Variants in DST observed in about 807,000 individuals in gnomAD.
DST encodes the protein bullous pemphigoid antigen.
In DST, 253 loss-of-function variants were observed where a neutral mutation model predicts 875.2. That is an observed-to-expected ratio of 0.29 (90% CI 0.26 to 0.32). DST has a LOEUF of 0.32. Among genes scored for constraint, DST ranks in the 10% least tolerant of loss-of-function variants. The probability of loss-of-function intolerance (pLI) is 1.00; values close to 1 mark genes in which losing one functional copy is unlikely to be tolerated. For missense variants in DST, 8,287 were observed against 9,111.6 expected (o/e 0.91, Z 3.68); for synonymous variants, 3,124 against 3,197.1 (o/e 0.98, Z 0.77).
Position 56,818,784 on chromosome 6 carries a change from T to C in DST, c.625+32613A>G, listed in dbSNP as rs544224272. Among the ~76,000 whole-genome samples, 337 of 152,308 alleles carry C rather than the reference T, an allele frequency of 2.2e-3. 3 individuals carry two copies. In the South Asian group the frequency reaches 0.027, roughly 12 times the overall value. ...CCAAAGGTTTCAAAGTACTCTGATATGTAAACAATGTCACAGAGCAATACT... is the reference window on the plus strand; with the variant it reads ...CCAAAGGTTTCAAAGTACTCTGATACGTAAACAATGTCACAGAGCAATACT... On this transcript the variant is annotated intron_variant, in intron 4 of 103. Coordinates refer to ENST00000680361, the MANE Select transcript of DST (RefSeq NM_001374736.1).
rs777558951 is a variant in DST, at chr6:56,459,114, C to G, written c.23348G>C (p.Arg7783Thr). The G allele has an allele frequency of 1.2e-4, 190 of 1,613,952 alleles. 4 individuals carry two copies. The South Asian group carries it at 2.0e-3, about 17-fold the overall frequency. The change falls in exon 104 of 104, where the codon AGA becomes ACA. Residue 7783 changes from arginine to threonine, a missense_variant. Arg to Thr is a moderately conservative substitution (Grantham distance 71). Around this residue, in one of 10 missense-constraint regions of DST, gnomAD observed 240 missense variants for 237.3 expected, o/e 1.01. Coordinates refer to ENST00000680361, the MANE Select transcript of DST (RefSeq NM_001374736.1). ...CCGAGAACCTGCTCGGGGTGTAGGTCTGTGTGTCTGGGGGACAGTTTCCAC... is the reference window on the plus strand; with the variant it reads ...CCGAGAACCTGCTCGGGGTGTAGGTGTGTGTGTCTGGGGGACAGTTTCCAC... ...SDVETVPQTHRPTPRAGSRPS... is the reference protein window; with the variant it reads ...SDVETVPQTHTPTPRAGSRPS...
At chr6:56,859,952 C>A (rs1770133023) in intron 3 of DST, among the ~76,000 whole-genome samples, 1 of 152,220 alleles carries the variant, frequency 6.6e-6, no homozygotes, top group Admixed American at 6.5e-5. Context: ...CCAGCTCCCT[C>A]ACTTCACTCT....
chr6:56,683,004 G>C (rs2152844909), intron 9 of DST, among the ~76,000 whole-genome samples: 1 of 152,298 alleles, frequency 6.6e-6, no homozygotes, highest in East Asian at 1.9e-4. Flanking sequence ...TCAACTGTTA[G>C]TTTCTCATGC....
intron 4 of DST, among the ~76,000 whole-genome samples, chr6:56,798,687 G>A: frequency 6.6e-6 from 1 of 152,112 alleles, no homozygotes; most frequent in East Asian, 1.9e-4. Flanking sequence ...TAAGGCTACA[G>A]CTACCATCAA....
chr6:56,600,274 C>A, intron 44 of DST, 53 bp from the exon 45 acceptor site: 2 of 1,532,096 alleles, frequency 1.3e-6, no homozygotes, highest in Non-Finnish European at 8.9e-7. Context: ...CACAAAATCG[C>A]TATTGTGATA....
At chr6:56,916,543 G>A (rs578008279) in intron 2 of DST, among the ~76,000 whole-genome samples, 1 of 152,164 alleles carries the variant, frequency 6.6e-6, no homozygotes, top group South Asian at 2.1e-4. Context: ...CTTGAGCCCA[G>A]GAGTTCGAGA....
At chr6:56,614,297 C>T in intron 37 of DST, 59 bp downstream of exon 37, 1 of 1,460,144 alleles carries the variant, frequency 6.8e-7, no homozygotes, top group Non-Finnish European at 9.2e-7. Flanking sequence ...TAAACTGTGT[C>T]AACTCAGTTA....
chr6:56,939,325 C>T (rs1252818761), intron 2 of DST, among the ~76,000 whole-genome samples: 3 of 152,200 alleles, frequency 2.0e-5, no homozygotes, highest in Non-Finnish European at 2.9e-5. Flanking sequence ...TTGGTCCTGA[C>T]GAAGGTAAGA....
intron 3 of DST, chr6:56,862,996 G>C (rs973976318): frequency 1.3e-5 from 2 of 152,218 alleles, no homozygotes; most frequent in Admixed American, 6.5e-5. Context: ...AATTTGTGGT[G>C]ACTCAAACTG....
Position 56,704,359 on chromosome 6 carries a change from T to C in DST, c.698A>G (p.His233Arg). The C allele has an allele frequency of 6.4e-7, 1 of 1,558,960 alleles. No individual in the cohort carries two copies. Among genetic ancestry groups the C allele is most frequent in the Non-Finnish European group, 8.7e-7 (1 of 1,149,892 alleles). ...TAAGTCTTCATAGAGATCATTCACA[T>C]GTTTTCGAACCTATAAAGAGAAAAG... Reference protein sequence around the residue: ...INQHLMKVRKHVNDLYEDLRD... With the variant: ...INQHLMKVRKRVNDLYEDLRD... Residue 233 changes from histidine (H) to arginine (R), a missense_variant, in exon 6 of 104, where the codon CAT (histidine) becomes CGT (arginine). His to Arg is a conservative substitution (Grantham distance 29, BLOSUM62 0). Transcript: ENST00000680361.
chr6:56,738,529 C>A (rs995457319), intron 4 of DST, among the ~76,000 whole-genome samples: 1 of 152,068 alleles, frequency 6.6e-6, no homozygotes, highest in Admixed American at 6.6e-5. Context: ...ACCGTGTTAG[C>A]CAGGATGGTC....
At position 56,593,742 on chromosome 6, in the gene DST, A is replaced by T. The variant is rs763299839; in HGVS notation, c.12647T>A (p.Val4216Asp). The change falls in exon 48 of 104, where the codon GTT (valine) becomes GAT (aspartate). Residue 4216 changes from valine to aspartate, a missense_variant. Physicochemically the swap from Val to Asp is radical, Grantham distance 152. Coordinates refer to ENST00000680361, the MANE Select transcript of DST (RefSeq NM_001374736.1). The stretch of plus-strand genomic sequence containing the variant: ...TTCTCTGTGGGTTGCAGAAGTATCA[A>T]CCTTGCCACCGTCTCTCTTGCTGCA... ...KSCSKRDGGKVDTSATHREVQ... is the reference protein window; with the variant it reads ...KSCSKRDGGKDDTSATHREVQ... The T allele has an allele frequency of 2.2e-5, 35 of 1,613,896 alleles. No individual in the cohort carries two copies. The East Asian group carries it at 7.6e-4, about 35-fold the overall frequency.
chr6:56,797,805 C>T (rs1012367410), intron 4 of DST, among the ~76,000 whole-genome samples: 13 of 129,086 alleles, frequency 1.0e-4, no homozygotes, highest in Admixed American at 8.7e-5. Flanking sequence ...GTGACAAGAG[C>T]GAAACTCCGT....
At chr6:56,942,474 C>CT (rs562288565) in intron 2 of DST, among the ~76,000 whole-genome samples, 1 of 151,768 alleles carries the variant, frequency 6.6e-6, no homozygotes, top group Non-Finnish European at 1.5e-5. Context: ...CTTGGGTTTC[C>CT]TTTTTTTAAT....
chr6:56,724,036 G>C lies in DST; in HGVS notation c.687+11192C>G, dbSNP rs180675054. ...ACTGGAAAATTAATTTTAAAATTCA[G>C]CAAGAAAGTATTAATCAGAAATTAA... On this transcript the variant is annotated intron_variant, in intron 5 of 103. Transcript: ENST00000680361. 9.7e-4 allele frequency among the ~76,000 whole-genome samples: 147 copies of C among 152,218 alleles called. 2 individuals are homozygous for C. The East Asian group carries it at 0.024, about 25-fold the overall frequency.
At chr6:56,583,374 T>G (rs1204090551) in intron 49 of DST, among the ~76,000 whole-genome samples, 1 of 152,212 alleles carries the variant, frequency 6.6e-6, no homozygotes, top group Non-Finnish European at 1.5e-5. Context: ...TCATGTGTCT[T>G]TTGGCTGCAT....
intron 49 of DST, among the ~76,000 whole-genome samples, chr6:56,585,662 T>C (rs2098131845): frequency 2.6e-5 from 4 of 151,858 alleles, no homozygotes; most frequent in South Asian, 2.1e-4. Context: ...GCTCTTGCTT[T>C]TCTAGTTCTT....
chr6:56,639,788 TA>T lies in DST; in HGVS notation c.2620-16del. 1 of 1,610,460 alleles carries T rather than the reference TA, an allele frequency of 6.2e-7. No individual in the cohort carries two copies. The highest frequency in any genetic ancestry group is 8.5e-7 in the Non-Finnish European group (1 of 1,177,034). On this transcript the variant is annotated splice_polypyrimidine_tract_variant and intron_variant, in intron 19 of 103. Transcript: ENST00000680361. ...GTCATTTGAATCTATAACATGAGAT[TA>T]AAAAGACACTCCAGTCAGGAATCTG...
In DST at chr6:56,532,220, C is replaced by T. The variant is rs939863631; in HGVS notation, c.17108+124G>A. ...AGAGGCACTACAATCTTTGCTATCT[C>T]TGTTCACATACATGATAAACATAGG... On this transcript the variant is annotated intron_variant, in intron 64 of 103. Coordinates refer to ENST00000680361, the MANE Select transcript of DST (RefSeq NM_001374736.1). 2.5e-5 allele frequency: 22 copies of T among 874,698 alleles called. No individual in the cohort carries two copies. In the African/African-American group the frequency reaches 3.4e-4, roughly 13 times the overall value. The allele number at this position is 874,698 out of a possible 1,614,324, so 54.2% of individuals were successfully genotyped here. A position where few individuals can be genotyped will look rare whatever the true frequency, so the allele number is the denominator to read the frequency against.
Sources: allele counts gnomAD v4.1 joint callset (sites outside exome capture counted in the v4.1 genomes callset), GRCh38; gene constraint gnomAD v4.1.1; regional missense constraint gnomAD v4.1.1; transcripts MANE v1.5; gene names NCBI Gene and HGNC (gene_info 2026-07-23, HGNC 2026-07-21).